GALNT17: variants seen among roughly 807,000 people sequenced by gnomAD.
GALNT17 encodes the protein UDP-GalNAc:polypeptide N-acetylgalactosaminyltransferase-like 3.
GALNT17 carries 29 observed loss-of-function variants against 63.7 expected under a neutral mutation model. The ratio of observed to expected loss-of-function variants is 0.46; its 90% CI spans 0.34 to 0.62. GALNT17 has a LOEUF of 0.62. GALNT17 is among the 20% of genes least tolerant of loss of function. The pLI is 0.01. For missense variants in GALNT17, 603 were observed against 799.6 expected, an observed-to-expected ratio of 0.75 and a Z score of 2.97; for synonymous variants, 305 against 318.3, an observed-to-expected ratio of 0.96 and a Z score of 0.45.
rs1366193695 is a variant in GALNT17, at chr7:71,451,050, A to G, written c.962+29945A>G. ...CACCCATTAACTCATCATTCACATT[A>G]GGTATATCTCCTAATGCTATCCCTC... On this transcript the variant is annotated intron_variant, in intron 5 of 10. Transcript: ENST00000333538. Among the ~76,000 whole-genome samples, 3 of 151,706 alleles carry G rather than the reference A, an allele frequency of 2.0e-5. No individual in the cohort carries two copies. The East Asian group carries it at 5.8e-4, about 29-fold the overall frequency.
At chr7:71,444,986 G>A (rs928146152) in intron 5 of GALNT17, among the ~76,000 whole-genome samples, 5 of 152,144 alleles carry the variant, frequency 3.3e-5, no homozygotes, top group South Asian at 2.1e-4. Flanking sequence ...TCTCCAAAGC[G>A]GTGTCTCTGG....
chr7:71,454,710 T>G (rs1226343885), intron 5 of GALNT17, among the ~76,000 whole-genome samples: 2 of 152,162 alleles, frequency 1.3e-5, no homozygotes, highest in Non-Finnish European at 2.9e-5. Context: ...ACAATTCAGC[T>G]TTATGCCTCT....
chr7:71,701,061 G>A (rs941225318), intron 9 of GALNT17, among the ~76,000 whole-genome samples: 1 of 152,168 alleles, frequency 6.6e-6, no homozygotes, highest in African/African-American at 2.4e-5. Flanking sequence ...AACAAACTGG[G>A]TAGGTAAGGA....
At chr7:71,272,760 C>A (rs550940921) in intron 1 of GALNT17, among the ~76,000 whole-genome samples, 1 of 152,306 alleles carries the variant, frequency 6.6e-6, no homozygotes, top group Admixed American at 6.5e-5. Context: ...AGTAACAGGG[C>A]AGACAGTGAC....
At chr7:71,284,512 A>G (rs1446855086) in intron 1 of GALNT17, 2 of 152,020 alleles carry the variant, frequency 1.3e-5, no homozygotes, top group African/African-American at 2.4e-5. Context: ...TGACGGTTTT[A>G]TAAGGGGCTT....
chr7:71,580,388 T>TGATGGATGATAGATA (rs749713733), intron 6 of GALNT17, among the ~76,000 whole-genome samples: 1 of 147,214 alleles, frequency 6.8e-6, no homozygotes. Context: ...ATAGATAAAT[T>TGATGGATGATAGATA]GATAGATGGA....
At chr7:71,701,843 GTATATATATATACACATA>G (rs1562742471) in intron 9 of GALNT17, among the ~76,000 whole-genome samples, 1 of 28,664 alleles carries the variant, frequency 3.5e-5, no homozygotes, top group Admixed American at 3.9e-4. Context: ...ATATATATGT[GTATATATATATACACATA>G]TATATATACA....
chr7:71,260,870 C>T (rs570264525), intron 1 of GALNT17, among the ~76,000 whole-genome samples: 2 of 152,188 alleles, frequency 1.3e-5, no homozygotes, highest in African/African-American at 4.8e-5. Flanking sequence ...TCCCAAAGTG[C>T]TGGTGTTATA....
intron 6 of GALNT17, among the ~76,000 whole-genome samples, chr7:71,633,636 C>G (rs939869198): frequency 6.6e-6 from 1 of 152,126 alleles, no homozygotes; most frequent in Non-Finnish European, 1.5e-5. Flanking sequence ...CTCTGAGGGC[C>G]CCGAGAGGAT....
chr7:71,238,953 C>T (rs1789944720), intron 1 of GALNT17, among the ~76,000 whole-genome samples: 1 of 152,148 alleles, frequency 6.6e-6, no homozygotes, highest in Non-Finnish European at 1.5e-5. Flanking sequence ...CGTGAGGTCC[C>T]CTTGTAGATA....
chr7:71,524,535 G>T (rs1364618809), intron 5 of GALNT17, among the ~76,000 whole-genome samples: 3 of 151,986 alleles, frequency 2.0e-5, no homozygotes, highest in African/African-American at 7.3e-5. Context: ...TGAACTGGTT[G>T]AATCGATGGC....
At chr7:71,201,621 T>G (rs1346847027) in intron 1 of GALNT17, among the ~76,000 whole-genome samples, 1 of 145,012 alleles carries the variant, frequency 6.9e-6, no homozygotes, top group Non-Finnish European at 1.5e-5. Flanking sequence ...TATTTTACTT[T>G]GCCAGTTTTT....
intron 1 of GALNT17, among the ~76,000 whole-genome samples, chr7:71,232,376 C>T (rs1189398081): frequency 6.6e-6 from 1 of 152,084 alleles, no homozygotes; most frequent in East Asian, 1.9e-4. Context: ...GTGGTGCAGC[C>T]TTGCAGAACA....
intron 1 of GALNT17, among the ~76,000 whole-genome samples, chr7:71,236,991 T>C (rs540942052): frequency 3.3e-4 from 51 of 152,242 alleles, no homozygotes; most frequent in African/African-American, 1.2e-3. Context: ...CCTGGCAAAA[T>C]CTCATGCATC....
chr7:71,583,318 T>C (rs1209800530), intron 6 of GALNT17, among the ~76,000 whole-genome samples: 2 of 152,114 alleles, frequency 1.3e-5, no homozygotes, highest in Non-Finnish European at 2.9e-5. Context: ...ATGGTCTCGA[T>C]CTCCTGACCT....
At chr7:71,351,637 G>A (rs1792190297) in intron 2 of GALNT17, among the ~76,000 whole-genome samples, 1 of 152,102 alleles carries the variant, frequency 6.6e-6, no homozygotes, top group Admixed American at 6.6e-5. Flanking sequence ...GGAATTGCCA[G>A]CAATCTCCAA....
At chr7:71,497,397 G>A (rs905338259) in intron 5 of GALNT17, among the ~76,000 whole-genome samples, 12 of 152,138 alleles carry the variant, frequency 7.9e-5, no homozygotes, top group Non-Finnish European at 1.6e-4. Context: ...TTGGCTTGTC[G>A]AAGGCTGTCT....
chr7:71,187,858 C>T (rs1756037379), intron 1 of GALNT17, among the ~76,000 whole-genome samples: 1 of 152,144 alleles, frequency 6.6e-6, no homozygotes, highest in East Asian at 1.9e-4. Context: ...GTATACACTG[C>T]ACTCAATTTG....
chr7:71,166,097 C>T (rs1788436276), intron 1 of GALNT17, among the ~76,000 whole-genome samples: 1 of 152,196 alleles, frequency 6.6e-6, no homozygotes, highest in Admixed American at 6.5e-5. Flanking sequence ...GTTTTTGTGA[C>T]TTCATCGTTC....
Sources: gnomAD v4.1 joint callset for allele counts (sites outside exome capture counted in the v4.1 genomes callset) on GRCh38, gnomAD v4.1.1 for gene constraint, MANE v1.5 for transcripts, NCBI Gene and HGNC (gene_info 2026-07-23, HGNC 2026-07-21) for gene names.